The following ATP11B variants were observed in gnomAD, a reference collection of about 807,000 sequenced individuals.
ATP11B encodes ATPase phospholipid transporting 11B (putative), also known as phospholipid-transporting ATPase IF.
Under a neutral mutation model 157.8 loss-of-function variants are expected in ATP11B, and 81 were observed. The observed-to-expected ratio is 0.51, with a 90% CI of 0.43 to 0.62. The LOEUF is 0.62. Among genes scored for constraint, ATP11B ranks in the 20% least tolerant of loss-of-function variants. The probability of loss-of-function intolerance (pLI) is 0.00; values close to 1 mark genes in which losing one functional copy is unlikely to be tolerated. For synonymous variants in ATP11B, 451 were observed against 469.4 expected (o/e 0.96, Z 0.51); for missense variants, 1,165 against 1,402.2 (o/e 0.83, Z 2.70).
At chr3:182,815,990 A>G (rs901716544) in intron 1 of ATP11B, among the ~76,000 whole-genome samples, 1 of 152,144 alleles carries the variant, frequency 6.6e-6, no homozygotes, top group African/African-American at 2.4e-5. Context: ...GGTCTCATTC[A>G]GTTTGGTTAC....
intron 24 of ATP11B, 70 bp from the exon 25 acceptor site, chr3:182,889,335 CATATT>C (rs1261868460): frequency 3.8e-4 from 392 of 1,022,376 alleles, no homozygotes; most frequent in South Asian, 1.2e-3. Flanking sequence ...TTTTAATTAT[CATATT>C]ATATTAATTG....
intron 12 of ATP11B, among the ~76,000 whole-genome samples, chr3:182,862,104 A>G (rs866055140): frequency 2.0e-5 from 3 of 151,946 alleles, no homozygotes; most frequent in African/African-American, 4.8e-5. Context: ...AAAACAAAAA[A>G]TACAAATACT....
At chr3:182,887,531 A>C in intron 23 of ATP11B, 55 bp from the exon 24 acceptor site, 1 of 1,525,790 alleles carries the variant, frequency 6.6e-7, no homozygotes, top group Non-Finnish European at 8.9e-7. Context: ...TGTCATATGC[A>C]TAATAGTAAT....
rs187237812 is a variant in ATP11B, at chr3:182,852,694, G to A, written c.851+4137G>A. On this transcript the variant is annotated intron_variant, in intron 10 of 29. Transcript: ENST00000323116. ...CAATCTTCACCCTTACCCGTCTCCC[G>A]CATATACAAAAACTGACTCAAAGTG... Among the ~76,000 whole-genome samples, 35 of 152,230 alleles carry A rather than the reference G, an allele frequency of 2.3e-4. 1 individual carries two copies. The highest frequency in any genetic ancestry group is 2.2e-3 in the Admixed American group (34 of 15,290).
intron 1 of ATP11B, among the ~76,000 whole-genome samples, chr3:182,806,287 A>T (rs1397136205): frequency 6.6e-6 from 1 of 152,076 alleles, no homozygotes; most frequent in Admixed American, 6.6e-5. Flanking sequence ...TATTTTTAAG[A>T]TTATCTTTGT....
chr3:182,864,968 C>T (rs929069024), intron 12 of ATP11B, among the ~76,000 whole-genome samples: 1 of 152,038 alleles, frequency 6.6e-6, no homozygotes, highest in African/African-American at 2.4e-5. Context: ...GTTTCAACTT[C>T]TCTCTGTTTT....
intron 27 of ATP11B, 102 bp from the exon 28 acceptor site, chr3:182,898,505 T>C: frequency 1.2e-6 from 1 of 818,508 alleles, no homozygotes; most frequent in African/African-American, 1.8e-5. Context: ...TTGAACATTT[T>C]CTTGGAGTAC....
intron 2 of ATP11B, among the ~76,000 whole-genome samples, chr3:182,821,695 C>A (rs78649629): frequency 0.011 from 1,630 of 152,252 alleles, 31 homozygotes; most frequent in African/African-American, 0.037. Flanking sequence ...CTAGTGCACT[C>A]AGAAACTGAA....
At chr3:182,802,972 AT>A (rs1191046650) in intron 1 of ATP11B, among the ~76,000 whole-genome samples, 1 of 152,134 alleles carries the variant, frequency 6.6e-6, no homozygotes, top group African/African-American at 2.4e-5. Context: ...AAATGAAGTA[AT>A]CCCTGCCCCA....
intron 14 of ATP11B, among the ~76,000 whole-genome samples, chr3:182,867,106 T>G (rs1052210211): frequency 6.6e-6 from 1 of 151,170 alleles, no homozygotes; most frequent in African/African-American, 2.4e-5. Flanking sequence ...TTTTTGTATT[T>G]TTAGTAGAGA....
intron 10 of ATP11B, among the ~76,000 whole-genome samples, chr3:182,852,986 G>A (rs959654230): frequency 4.6e-5 from 7 of 152,174 alleles, no homozygotes; most frequent in African/African-American, 1.7e-4. Context: ...TAAAGGACTT[G>A]TACCTAGACT....
chr3:182,881,571 G>A (rs1258613441), intron 21 of ATP11B, among the ~76,000 whole-genome samples: 2 of 150,666 alleles, frequency 1.3e-5, no homozygotes, highest in African/African-American at 4.9e-5. Context: ...CTATAATTAA[G>A]CCCACTATTT....
intron 8 of ATP11B, chr3:182,843,963 GC>G (rs1719261979): frequency 6.6e-6 from 1 of 152,116 alleles, no homozygotes; most frequent in Non-Finnish European, 1.5e-5. Flanking sequence ...GAATAACTAT[GC>G]CTAGGTTTAT....
At chr3:182,848,934 G>A (rs1201114606) in intron 10 of ATP11B, among the ~76,000 whole-genome samples, 1 of 152,186 alleles carries the variant, frequency 6.6e-6, no homozygotes, top group Non-Finnish European at 1.5e-5. Context: ...AGCAGCAAGG[G>A]GGAAAATTTA....
At chr3:182,816,430 C>T (rs536657040) in intron 1 of ATP11B, among the ~76,000 whole-genome samples, 12 of 152,278 alleles carry the variant, frequency 7.9e-5, no homozygotes, top group African/African-American at 2.9e-4. Context: ...TGAACCTTGC[C>T]ATGTAGCCTT....
At chr3:182,836,606 A>C in intron 6 of ATP11B, 136 bp downstream of exon 6, 2 of 1,043,230 alleles carry the variant, frequency 1.9e-6, no homozygotes, top group Non-Finnish European at 2.7e-6. Context: ...TTCAAAAATA[A>C]AAAGGTTTTA....
At chr3:182,818,714 A>G (rs928695008) in intron 1 of ATP11B, among the ~76,000 whole-genome samples, 2 of 152,216 alleles carry the variant, frequency 1.3e-5, no homozygotes, top group Non-Finnish European at 2.9e-5. Context: ...ATCTCACACT[A>G]TCTGTGTATG....
intron 4 of ATP11B, 36 bp from the exon 5 acceptor site, chr3:182,835,999 C>A (rs986297414): frequency 2.0e-6 from 3 of 1,523,874 alleles, no homozygotes; most frequent in Non-Finnish European, 2.7e-6. Flanking sequence ...TCAAATTATA[C>A]TGAAAAATTA....
rs529241902 is a variant in ATP11B, at chr3:182,887,364, T to C, written c.2716-222T>C. On this transcript the variant is annotated intron_variant, in intron 23 of 29. Coordinates refer to ENST00000323116, the MANE Select transcript of ATP11B (RefSeq NM_014616.3). ...ACGATAATTCCAGAAGCACCTGATA[T>C]AGCAAAATATTCCAGTTCTCACAAA... Among the ~76,000 whole-genome samples the C allele has an allele frequency of 1.1e-3, 164 of 152,332 alleles. 2 individuals carry two copies. The highest frequency in any genetic ancestry group is 6.8e-3 in the Middle Eastern group (2 of 294).
Sources: allele counts gnomAD v4.1 joint callset (sites outside exome capture counted in the v4.1 genomes callset), GRCh38; gene constraint gnomAD v4.1.1; transcripts MANE v1.5; gene names NCBI Gene and HGNC (gene_info 2026-07-23, HGNC 2026-07-21).